The following TMOD1 variants were observed in gnomAD, a reference collection of about 807,000 sequenced individuals.
TMOD1 encodes tropomodulin 1.
A neutral mutation model predicts 40.6 loss-of-function variants in TMOD1; 17 were observed. The ratio of observed to expected loss-of-function variants is 0.42; its 90% confidence interval spans 0.29 to 0.63. The LOEUF (loss-of-function observed/expected upper bound fraction) is 0.63. Among genes scored for constraint, TMOD1 ranks in the 20% least tolerant of loss-of-function variants. TMOD1 has a pLI of 0.22. For missense variants in TMOD1, 391 were observed against 447.6 expected, an observed-to-expected ratio of 0.87 and a Z score of 1.14; for synonymous variants, 181 against 175.0, an observed-to-expected ratio of 1.03 and a Z score of -0.27.
At chr9:97,590,906 A>C (rs1315550727) in intron 8 of TMOD1, among the ~76,000 whole-genome samples, 2 of 152,188 alleles carry the variant, frequency 1.3e-5, no homozygotes, top group Non-Finnish European at 2.9e-5. Context: ...CACTCCCCAG[A>C]GATTCTGATT....
At chr9:97,545,945 C>A (rs527375442) in intron 2 of TMOD1, among the ~76,000 whole-genome samples, 1 of 152,304 alleles carries the variant, frequency 6.6e-6, no homozygotes, top group South Asian at 2.1e-4. Context: ...AGGATTGAGA[C>A]CTGAGTCCTA....
intron 2 of TMOD1, among the ~76,000 whole-genome samples, chr9:97,541,435 G>A (rs1227835550): frequency 1.3e-5 from 2 of 151,416 alleles, no homozygotes; most frequent in African/African-American, 4.9e-5. Context: ...TGATCTGCCT[G>A]CTTCAGCCTC....
chr9:97,599,318 G>T (rs1322035677), intron 9 of TMOD1, among the ~76,000 whole-genome samples: 1 of 152,124 alleles, frequency 6.6e-6, no homozygotes, highest in African/African-American at 2.4e-5. Flanking sequence ...ACTCTTATCT[G>T]AACACCGGAG....
Position 97,513,359 on chromosome 9 carries a change from T to C in TMOD1, c.-48-10782T>C, listed in dbSNP as rs1321554050. On this transcript the variant is annotated intron_variant, in intron 1 of 9. Transcript: ENST00000259365. This position sits in a 1 kb window ranked among gnomAD's most constrained non-coding sequence, Gnocchi z 4.1. ...AACCCCGAATCTCAGAGGCACAAAG[T>C]GGTATGCCTGAGGCTGCCCAGTCAG... The C allele has an allele frequency of 4.6e-5, 7 of 152,272 alleles. No homozygotes were observed. The East Asian group carries it at 1.3e-3, about 29-fold the overall frequency. 9.4% of individuals were successfully genotyped at this position (152,272 alleles called of 1,614,324 possible).
chr9:97,554,893 C>T (rs1830512053), intron 4 of TMOD1, among the ~76,000 whole-genome samples: 1 of 152,128 alleles, frequency 6.6e-6, no homozygotes, highest in Non-Finnish European at 1.5e-5. Context: ...CTCAACTATA[C>T]ACAAGGGGCA....
At position 97,535,017 on chromosome 9, in the gene TMOD1, G is replaced by A. The variant is rs1157772348; in HGVS notation, c.120+10709G>A. Among the ~76,000 whole-genome samples, 4 of 152,350 alleles carry A rather than the reference G, an allele frequency of 2.6e-5. No individual in the cohort carries two copies. The South Asian group carries it at 8.3e-4, about 32-fold the overall frequency. ...AATATGGAGCAGCCTGGAGTGGCTA[G>A]AACATGGGCTACTTGATGAAGGGAA... On this transcript the variant is annotated intron_variant, in intron 2 of 9. Transcript: ENST00000259365.
intron 6 of TMOD1, among the ~76,000 whole-genome samples, chr9:97,565,508 T>C (rs1048446262): frequency 2.6e-5 from 4 of 152,094 alleles, no homozygotes; most frequent in African/African-American, 4.8e-5. Context: ...TTGCCGATCA[T>C]TGGGACCAAG....
At chr9:97,569,732 C>T (rs1442089043) in intron 8 of TMOD1, among the ~76,000 whole-genome samples, 1 of 152,192 alleles carries the variant, frequency 6.6e-6, no homozygotes, top group African/African-American at 2.4e-5. Flanking sequence ...TTGATCTTCA[C>T]AACAACCCTA....
intron 1 of TMOD1, among the ~76,000 whole-genome samples, chr9:97,520,866 C>T (rs1324438611): frequency 6.6e-6 from 1 of 152,188 alleles, no homozygotes; most frequent in Non-Finnish European, 1.5e-5. Context: ...CCTTTCCTTT[C>T]TGGCTCTTTT....
chr9:97,599,959 A>C lies in TMOD1; in HGVS notation c.*261A>C, dbSNP rs1213649388. On this transcript the variant is annotated 3_prime_UTR_variant, in exon 10 of 10. Coordinates refer to ENST00000259365, the MANE Select transcript of TMOD1 (RefSeq NM_003275.4). ...AGAAGCCCCCAAACCAGCAGATCTT[A>C]CTGAAGATGATGTTCCAGCAGCAGC... 8.0e-7 allele frequency: 1 copy of C among 1,243,700 alleles called. No individual in the cohort carries two copies. Among genetic ancestry groups the C allele is most frequent in the Non-Finnish European group, 1.0e-6 (1 of 983,822 alleles). The allele number at this position is 1,243,700 out of a possible 1,614,324, so 77.0% of individuals were successfully genotyped here.
intron 2 of TMOD1, among the ~76,000 whole-genome samples, chr9:97,529,847 T>C (rs553255742): frequency 4.0e-4 from 61 of 152,344 alleles, no homozygotes; most frequent in African/African-American, 1.4e-3. Context: ...AGTTTTCATA[T>C]GAGTAATAGA....
At chr9:97,593,967 A>G (rs1454918797) in intron 9 of TMOD1, among the ~76,000 whole-genome samples, 2 of 152,154 alleles carry the variant, frequency 1.3e-5, no homozygotes, top group Non-Finnish European at 2.9e-5. Flanking sequence ...CAGCATGAGC[A>G]AAGGCAGGAC....
At chr9:97,548,101 A>C (rs377320938) in intron 3 of TMOD1, among the ~76,000 whole-genome samples, 1 of 152,178 alleles carries the variant, frequency 6.6e-6, no homozygotes, top group East Asian at 1.9e-4. Flanking sequence ...TGTTGAATGA[A>C]AGCACTAATT....
At chr9:97,512,521 G>A (rs1367305366) in intron 1 of TMOD1, among the ~76,000 whole-genome samples, 3 of 151,910 alleles carry the variant, frequency 2.0e-5, no homozygotes, top group Non-Finnish European at 4.4e-5. Context: ...TAAAAGTAGA[G>A]TAAATAAATA....
At chr9:97,555,757 C>T (rs1201400774) in intron 4 of TMOD1, 3 of 1,382,250 alleles carry the variant, frequency 2.2e-6, no homozygotes, top group East Asian at 2.5e-5. Flanking sequence ...CCAAAACAAT[C>T]CTATGAAGGA....
intron 2 of TMOD1, among the ~76,000 whole-genome samples, chr9:97,535,535 A>G (rs1830166778): frequency 1.3e-5 from 2 of 152,130 alleles, no homozygotes; most frequent in South Asian, 2.1e-4. Flanking sequence ...CACACCACTG[A>G]GATGTGTATC....
intron 4 of TMOD1, among the ~76,000 whole-genome samples, chr9:97,554,697 C>T (rs943694444): frequency 2.0e-5 from 3 of 151,936 alleles, no homozygotes; most frequent in Non-Finnish European, 4.4e-5. Context: ...CAGGGCTGGC[C>T]AGGAGACTCA....
intron 9 of TMOD1, among the ~76,000 whole-genome samples, chr9:97,592,278 G>C (rs1324565098): frequency 6.6e-6 from 1 of 151,830 alleles, no homozygotes; most frequent in Non-Finnish European, 1.5e-5. Context: ...GAAAACAAGA[G>C]GGGGAAAAAA....
chr9:97,510,791 G>A (rs967108498), intron 1 of TMOD1, among the ~76,000 whole-genome samples: 4 of 152,048 alleles, frequency 2.6e-5, no homozygotes, highest in East Asian at 1.9e-4. Flanking sequence ...TACTACAATC[G>A]TTAGCTTCCT....
Sources: gnomAD v4.1 joint callset for allele counts (sites outside exome capture counted in the v4.1 genomes callset) on GRCh38, gnomAD v4.1.1 for gene constraint, Gnocchi (gnomAD v3.1) non-coding constraint, MANE v1.5 for transcripts, NCBI Gene and HGNC (gene_info 2026-07-23, HGNC 2026-07-21) for gene names.